Variants in RAB38 observed in about 807,000 individuals in gnomAD.
RAB38 encodes the protein ras-related protein Rab-38.
Under a neutral mutation model 18.4 loss-of-function variants are expected in RAB38, and 15 were observed. The ratio of observed to expected loss-of-function variants is 0.82; its 90% CI spans 0.55 to 1.26. RAB38 has a LOEUF of 1.26. Ranked by LOEUF, RAB38 falls within the 50% of genes most tolerant of loss-of-function variation. RAB38 has a pLI of 0.00. For missense variants in RAB38, 294 were observed against 267.4 expected (o/e 1.10, Z -0.69); for synonymous variants, 101 against 104.4 (o/e 0.97, Z 0.20).
the RAB38 span, among the ~76,000 whole-genome samples, chr11:87,936,000 C>T: frequency 6.6e-6 from 1 of 151,900 alleles, no homozygotes; most frequent in Admixed American, 6.6e-5. Flanking sequence ...GAATTGTTTG[C>T]TATTTGTTTT....
the RAB38 span, among the ~76,000 whole-genome samples, chr11:87,884,175 TAAATA>T: frequency 1.3e-5 from 2 of 151,988 alleles, no homozygotes; most frequent in African/African-American, 2.4e-5. Context: ...AGGTCACCTA[TAAATA>T]AAATGGTAAT....
At chr11:88,066,993 G>A in the RAB38 span, among the ~76,000 whole-genome samples, 1 of 152,060 alleles carries the variant, frequency 6.6e-6, no homozygotes, top group Non-Finnish European at 1.5e-5. Flanking sequence ...AAAAAAGACC[G>A]AGTTTTCAAA....
chr11:88,028,308 A>G, the RAB38 span, among the ~76,000 whole-genome samples: 1 of 152,350 alleles, frequency 6.6e-6, no homozygotes, highest in Non-Finnish European at 1.5e-5. Flanking sequence ...TGGAAACTCT[A>G]AAAAGCAGAG....
chr11:87,946,660 AAT>A, the RAB38 span, among the ~76,000 whole-genome samples: 2 of 151,782 alleles, frequency 1.3e-5, no homozygotes, highest in Non-Finnish European at 2.9e-5. Flanking sequence ...TTGTCCTTGC[AAT>A]AGTTTGCTGA....
the RAB38 span, among the ~76,000 whole-genome samples, chr11:87,910,771 G>A: frequency 1.3e-5 from 2 of 150,866 alleles, no homozygotes; most frequent in Non-Finnish European, 2.9e-5. Flanking sequence ...CTCCCGAGTA[G>A]CTGGGATTAC....
chr11:87,939,777 A>T, the RAB38 span, among the ~76,000 whole-genome samples: 4 of 152,148 alleles, frequency 2.6e-5, no homozygotes, highest in Admixed American at 6.6e-5. Flanking sequence ...CTGTATTCCC[A>T]GCTACTCAGG....
intron 2 of RAB38, among the ~76,000 whole-genome samples, chr11:88,139,661 T>G (rs1942881603): frequency 6.6e-6 from 1 of 152,134 alleles, no homozygotes; most frequent in African/African-American, 2.4e-5. Context: ...TTAACCAGGG[T>G]GCAAGTAAAA....
the RAB38 span, among the ~76,000 whole-genome samples, chr11:87,947,701 A>G: frequency 6.6e-6 from 1 of 152,028 alleles, no homozygotes; most frequent in Non-Finnish European, 1.5e-5. Context: ...ATGGTTGTAG[A>G]TGTGTGGTAT....
At chr11:87,850,497 C>T in the RAB38 span, among the ~76,000 whole-genome samples, 5 of 152,058 alleles carry the variant, frequency 3.3e-5, no homozygotes, top group African/African-American at 4.8e-5. Context: ...CGCATGCACT[C>T]TTATGTTTTG....
the RAB38 span, among the ~76,000 whole-genome samples, chr11:88,042,656 A>T: frequency 6.6e-6 from 1 of 152,212 alleles, no homozygotes; most frequent in Non-Finnish European, 1.5e-5. Flanking sequence ...GAAGCCCTCT[A>T]GGTGAGTAGA....
chr11:87,817,507 A>G, the RAB38 span: 1 of 152,196 alleles, frequency 6.6e-6, no homozygotes, highest in Non-Finnish European at 1.5e-5. Flanking sequence ...ATAGTTTAAC[A>G]TACATTCTTA....
the RAB38 span, among the ~76,000 whole-genome samples, chr11:87,816,781 A>G: frequency 6.6e-6 from 1 of 152,160 alleles, no homozygotes; most frequent in Admixed American, 6.5e-5. Context: ...TACATAAAAT[A>G]TGCTGTATTT....
chr11:87,844,899 A>G, the RAB38 span, among the ~76,000 whole-genome samples: 3 of 152,232 alleles, frequency 2.0e-5, no homozygotes. Flanking sequence ...CTAACCTCTG[A>G]GACACACATG....
At chr11:88,094,804 C>T in the RAB38 span, among the ~76,000 whole-genome samples, 1 of 151,920 alleles carries the variant, frequency 6.6e-6, no homozygotes, top group South Asian at 2.1e-4. Context: ...TTTGTGCTGG[C>T]AGGCAATTAT....
chr11:88,006,564 T>TATATATATGTATATA, the RAB38 span, among the ~76,000 whole-genome samples: 1 of 141,610 alleles, frequency 7.1e-6, no homozygotes, highest in Non-Finnish European at 1.5e-5. Flanking sequence ...AAGAATACAT[T>TATATATATGTATATA]ATATATATAC....
chr11:88,022,264 C>T, the RAB38 span, among the ~76,000 whole-genome samples: 1 of 74,172 alleles, frequency 1.3e-5, no homozygotes, highest in Non-Finnish European at 2.8e-5. Flanking sequence ...TCAACTGATG[C>T]TGAAAAAGCA....
chr11:87,826,627 T>C, the RAB38 span, among the ~76,000 whole-genome samples: 1 of 152,326 alleles, frequency 6.6e-6, no homozygotes, highest in East Asian at 1.9e-4. Context: ...CTAACTGCTT[T>C]ACATACATCA....
At chr11:87,834,756 A>G in the RAB38 span, among the ~76,000 whole-genome samples, 4 of 152,332 alleles carry the variant, frequency 2.6e-5, no homozygotes, top group Admixed American at 6.5e-5. Context: ...TTTAGGAGTC[A>G]TTGACATGCA....
the RAB38 span, among the ~76,000 whole-genome samples, chr11:87,910,983 T>A: frequency 2.0e-5 from 3 of 152,028 alleles, no homozygotes; most frequent in East Asian, 5.8e-4. Flanking sequence ...ATATTTTGTT[T>A]TTTTATTTTT....
Sources: allele counts gnomAD v4.1 joint callset (sites outside exome capture counted in the v4.1 genomes callset), GRCh38; gene constraint gnomAD v4.1.1; transcripts MANE v1.5; gene names NCBI Gene and HGNC (gene_info 2026-07-23, HGNC 2026-07-21).